ZNF124: variants seen among roughly 807,000 people sequenced by gnomAD.
ZNF124 encodes the protein zinc finger protein HZF-16.
In ZNF124, 25 loss-of-function variants were observed where a neutral mutation model predicts 26.6. That is an observed-to-expected ratio of 0.94 (90% confidence interval 0.68 to 1.31). The LOEUF (loss-of-function observed/expected upper bound fraction) is 1.31, where lower values mean the gene tolerates loss of function less well. Among genes scored for constraint, ZNF124 ranks in the 40% most tolerant of loss-of-function variants. The pLI, the probability that ZNF124 is intolerant of heterozygous loss-of-function variation, is 0.00. For missense variants in ZNF124, 444 were observed against 422.2 expected, an observed-to-expected ratio of 1.05 and a Z score of -0.45; for synonymous variants, 129 against 133.3, an observed-to-expected ratio of 0.97 and a Z score of 0.22.
intron 3 of ZNF124, among the ~76,000 whole-genome samples, chr1:247,132,138 A>G (rs1003239481): frequency 2.0e-5 from 3 of 152,098 alleles, no homozygotes; most frequent in African/African-American, 7.2e-5. Flanking sequence ...AGTGAATCAG[A>G]TGAATACGCC....
intron 3 of ZNF124, chr1:247,138,595 G>A (rs1023845405): frequency 2.5e-6 from 1 of 393,006 alleles, no homozygotes; most frequent in Non-Finnish European, 4.5e-6. Flanking sequence ...TGTTTTAGAA[G>A]AAATAAAACA....
intron 3 of ZNF124, among the ~76,000 whole-genome samples, chr1:247,143,705 A>T (rs1672686701): frequency 6.6e-6 from 1 of 152,202 alleles, no homozygotes; most frequent in Non-Finnish European, 1.5e-5. Flanking sequence ...GGCTATGTCT[A>T]GGATTCCCTT....
exon 4 of ZNF124, chr1:247,122,608 C>G (rs1672107480): frequency 6.6e-6 from 1 of 152,202 alleles, no homozygotes; most frequent in Non-Finnish European, 1.5e-5. Flanking sequence ...AGTAGCTATT[C>G]ACAGGCACAC....
At chr1:247,135,327 G>T (rs189556750) in intron 3 of ZNF124, among the ~76,000 whole-genome samples, 18 of 152,132 alleles carry the variant, frequency 1.2e-4, no homozygotes, top group African/African-American at 3.6e-4. Flanking sequence ...GAATCAAAAA[G>T]ATACAATAAA....
downstream of ZNF124, among the ~76,000 whole-genome samples, chr1:247,152,375 A>C (rs1398430164): frequency 6.6e-6 from 1 of 151,104 alleles, no homozygotes; most frequent in African/African-American, 2.4e-5. Flanking sequence ...GTAGAATTCT[A>C]TTAAAATTTA....
chr1:247,132,459 T>G (rs1330982909), intron 3 of ZNF124, among the ~76,000 whole-genome samples: 4 of 152,102 alleles, frequency 2.6e-5, no homozygotes, highest in Non-Finnish European at 5.9e-5. Flanking sequence ...CTGACAGAAG[T>G]AGGCTTCAGA....
At chr1:247,169,359 G>A (rs1307481657) in intron 1 of ZNF124, among the ~76,000 whole-genome samples, 1 of 152,218 alleles carries the variant, frequency 6.6e-6, no homozygotes, top group Non-Finnish European at 1.5e-5. Context: ...TGCCTAAGGT[G>A]CAGTTTGCTT....
chr1:247,136,829 C>T (rs574802092), intron 3 of ZNF124, among the ~76,000 whole-genome samples: 30 of 152,048 alleles, frequency 2.0e-4, no homozygotes, highest in African/African-American at 7.2e-4. Flanking sequence ...CACCTATAAT[C>T]CTTGCTGCTG....
At position 247,156,040 on chromosome 1, in the gene ZNF124, G is replaced by C. The variant is rs775183909; in HGVS notation, c.*526C>G. ...ATTGTACTATAATTATTTTCCATAAGGTTTTCCATAATATTTACATTTACA... is the reference window on the plus strand; with the variant it reads ...ATTGTACTATAATTATTTTCCATAACGTTTTCCATAATATTTACATTTACA... On this transcript the variant is annotated 3_prime_UTR_variant, in exon 4 of 4. Coordinates refer to ENST00000543802, the MANE Select transcript of ZNF124 (RefSeq NM_001297568.2). The C allele has an allele frequency of 3.1e-6, 3 of 963,834 alleles. No homozygotes were observed. Among genetic ancestry groups the C allele is most frequent in the Non-Finnish European group, 3.7e-6 (3 of 810,552 alleles). 59.7% of individuals were successfully genotyped at this position (963,834 alleles called of 1,614,324 possible). A position where few individuals can be genotyped will look rare whatever the true frequency, so the allele number is the denominator to read the frequency against.
At chr1:247,169,071 A>T (rs1258370923) in intron 1 of ZNF124, among the ~76,000 whole-genome samples, 4 of 152,214 alleles carry the variant, frequency 2.6e-5, no homozygotes, top group Admixed American at 2.0e-4. Flanking sequence ...TATTTAAAAT[A>T]TCCACTTCTT....
intron 3 of ZNF124, among the ~76,000 whole-genome samples, chr1:247,140,888 C>T (rs917451241): frequency 6.6e-6 from 1 of 152,174 alleles, no homozygotes; most frequent in Admixed American, 6.5e-5. Flanking sequence ...AAAGTGTGGG[C>T]TTCTCTCCCA....
rs759091805 is a variant in ZNF124 at position 247,158,995 on chromosome 1, G to A, written c.218+11C>T. On this transcript the variant is annotated intron_variant, in intron 3 of 3. Transcript: ENST00000543802. ...CAAGGGGGACTGCTTCCTCTTGTGAGGGCAAATTACCTTAGATTTCTTGAA... is the reference window on the plus strand; with the variant it reads ...CAAGGGGGACTGCTTCCTCTTGTGAAGGCAAATTACCTTAGATTTCTTGAA... 9 of 1,611,618 alleles carry A rather than the reference G, an allele frequency of 5.6e-6. No individual in the cohort carries two copies. The highest frequency in any genetic ancestry group is 1.1e-5 in the South Asian group (1 of 90,686).
intron 3 of ZNF124, among the ~76,000 whole-genome samples, chr1:247,135,563 G>C (rs1466707514): frequency 1.3e-5 from 2 of 152,032 alleles, no homozygotes; most frequent in Non-Finnish European, 2.9e-5. Flanking sequence ...AAAAAGCCCA[G>C]GACCAGATGG....
At position 247,157,095 on chromosome 1, in the gene ZNF124, T is replaced by C. The variant is rs1395898341; in HGVS notation, c.527A>G (p.Lys176Arg). ...NRHKRIHTGE[K>R]RYECKQCGKA... Reference sequence around the variant, plus strand: ...CCCACATTGCTTACATTCATAGCGTTTTTCTCCAGTGTGAATCCTTTTATG... The same window carrying C: ...CCCACATTGCTTACATTCATAGCGTCTTTCTCCAGTGTGAATCCTTTTATG... Residue 176 changes from lysine (K) to arginine (R), a missense_variant, in exon 4 of 4, where the codon AAA (lysine) becomes AGA (arginine). Physicochemically the swap from Lys to Arg is conservative, Grantham distance 26. Transcript: ENST00000543802. 2 of 1,614,166 alleles carry C rather than the reference T, an allele frequency of 1.2e-6. No homozygotes were observed. The highest frequency in any genetic ancestry group is 3.3e-5 in the Admixed American group (2 of 60,010).
Position 247,157,408 on chromosome 1 carries a change from G to A in ZNF124, c.219-5C>T. On this transcript the variant is annotated splice_polypyrimidine_tract_variant and splice_region_variant and intron_variant, in intron 3 of 3. Transcript: ENST00000543802. ...CCAGAATGAGATATGATGTGCCTAT[G>A]AAGGGATGAATGACGTATGAAGAAT... 1.9e-6 allele frequency: 3 copies of A among 1,551,870 alleles called. No homozygotes were observed. The highest frequency in any genetic ancestry group is 2.6e-6 in the Non-Finnish European group (3 of 1,146,894).
chr1:247,124,083 C>A (rs932285956), intron 3 of ZNF124, among the ~76,000 whole-genome samples: 3 of 151,764 alleles, frequency 2.0e-5, no homozygotes, highest in African/African-American at 7.3e-5. Context: ...CCGCCTCGGC[C>A]TCCCAAAGTG....
chr1:247,127,932 TTTAA>T (rs1464828485), intron 3 of ZNF124, among the ~76,000 whole-genome samples: 2 of 152,154 alleles, frequency 1.3e-5, no homozygotes, highest in African/African-American at 2.4e-5. Flanking sequence ...TTTCTTCCTA[TTTAA>T]TTATTTCCAC....
chr1:247,151,365 G>C (rs1672935886), downstream of ZNF124, among the ~76,000 whole-genome samples: 1 of 151,948 alleles, frequency 6.6e-6, no homozygotes, highest in Non-Finnish European at 1.5e-5. Flanking sequence ...TGTAGTCCCA[G>C]CTACTCGGGA....
intron 3 of ZNF124, among the ~76,000 whole-genome samples, chr1:247,141,188 A>G (rs1360527553): frequency 6.6e-6 from 1 of 152,106 alleles, no homozygotes; most frequent in Non-Finnish European, 1.5e-5. Context: ...AACCTGTGGG[A>G]GATGAACTGG....
Sources: gnomAD v4.1 joint callset for allele counts (sites outside exome capture counted in the v4.1 genomes callset) on GRCh38, gnomAD v4.1.1 for gene constraint, MANE v1.5 for transcripts, NCBI Gene and HGNC (gene_info 2026-07-23, HGNC 2026-07-21) for gene names.